KCNJ1: variants seen among roughly 807,000 people sequenced by gnomAD.
The protein encoded by KCNJ1 is ATP-sensitive inward rectifier potassium channel 1.
KCNJ1 carries 24 observed loss-of-function variants against 21.9 expected under a neutral mutation model. The observed-to-expected ratio is 1.10, with a 90% CI of 0.79 to 1.54. KCNJ1 has a LOEUF of 1.54. Ranked by LOEUF, KCNJ1 falls within the 40% of genes most tolerant of loss-of-function variation. The probability of loss-of-function intolerance (pLI) is 0.00; values close to 1 mark genes in which losing one functional copy is unlikely to be tolerated. For missense variants in KCNJ1, 457 were observed against 455.4 expected, an observed-to-expected ratio of 1.00 and a Z score of -0.03; for synonymous variants, 152 against 160.9, an observed-to-expected ratio of 0.94 and a Z score of 0.42.
intron 1 of KCNJ1, among the ~76,000 whole-genome samples, chr11:128,858,974 C>A (rs1943645994): frequency 6.6e-6 from 1 of 152,194 alleles, no homozygotes; most frequent in Admixed American, 6.5e-5. Context: ...AGGCAGGTCA[C>A]CCCTCTTATG....
intron 1 of KCNJ1, among the ~76,000 whole-genome samples, chr11:128,852,598 G>A (rs781322056): frequency 1.4e-4 from 22 of 152,232 alleles, no homozygotes; most frequent in East Asian, 7.7e-4. Context: ...CAGCAGCTTC[G>A]GTGACCCTTT....
chr11:128,840,372 G>A, intron 2 of KCNJ1, 108 bp from the exon 3 acceptor site: 1 of 1,068,354 alleles, frequency 9.4e-7, no homozygotes, highest in Non-Finnish European at 1.4e-6. Flanking sequence ...AAAATTATCT[G>A]GGTTACTAAT....
rs572746293 is a variant in KCNJ1, at chr11:128,849,015, C to T, written c.-22+1706G>A. On this transcript the variant is annotated intron_variant, in intron 2 of 2. Coordinates refer to ENST00000392666, the MANE Select transcript of KCNJ1 (RefSeq NM_153766.3). ...CGGCAGTCTCAGTGAACAGCGCCCC[C>T]TGGAGCACGATGCCAGCGGTGCCCC... Among the ~76,000 whole-genome samples the T allele has an allele frequency of 2.0e-4, 31 of 152,344 alleles. No homozygotes were observed. In the South Asian group the frequency reaches 6.4e-3, roughly 32 times the overall value.
At position 128,841,991 on chromosome 11, in the gene KCNJ1, T is replaced by G. The variant is rs566481299; in HGVS notation, c.-21-1727A>C. ...TTCTCCTTTCCTTGTACACACATCC[T>G]TTACCCTGGTCTACACCCATGTGGA... On this transcript the variant is annotated intron_variant, in intron 2 of 2. Transcript: ENST00000392666. Among the ~76,000 whole-genome samples the G allele has an allele frequency of 2.6e-5, 4 of 152,308 alleles. No individual in the cohort carries two copies. The Middle Eastern group carries it at 0.01, about 389-fold the overall frequency.
At chr11:128,853,627 A>G (rs1211464034) in intron 1 of KCNJ1, among the ~76,000 whole-genome samples, 1 of 152,206 alleles carries the variant, frequency 6.6e-6, no homozygotes, top group Non-Finnish European at 1.5e-5. Flanking sequence ...CCTCTTACAC[A>G]CTTCAAATTA....
Position 128,838,969 on chromosome 11 carries a change from G to C in KCNJ1, c.*156C>G, listed in dbSNP as rs1365913988. 1 of 667,900 alleles carries C rather than the reference G, an allele frequency of 1.5e-6. No individual in the cohort carries two copies. The highest frequency in any genetic ancestry group is 2.6e-6 in the Non-Finnish European group (1 of 380,344). 41.4% of individuals were successfully genotyped at this position (667,900 alleles called of 1,614,324 possible). ...GTAGCCTTGTGGAGATGCATGTCTT[G>C]TGGGATCACAATTGCGGGGCTCAGG... On this transcript the variant is annotated 3_prime_UTR_variant, in exon 3 of 3. Transcript: ENST00000392666.
At chr11:128,842,624 G>T in intron 2 of KCNJ1, 1 of 1,106,736 alleles carries the variant, frequency 9.0e-7, no homozygotes, top group Non-Finnish European at 1.2e-6. Context: ...AGCTGAATAG[G>T]TATTTTTTCT....
At position 128,849,751 on chromosome 11, in the gene KCNJ1, C is replaced by T. The variant is rs114036121; in HGVS notation, c.-22+970G>A. 7.1e-3 allele frequency among the ~76,000 whole-genome samples: 1,087 copies of T among 152,298 alleles called. 14 individuals carry two copies. The highest frequency in any genetic ancestry group is 0.024 in the African/African-American group (1,005 of 41,564). On this transcript the variant is annotated intron_variant, in intron 2 of 2. Coordinates refer to ENST00000392666, the MANE Select transcript of KCNJ1 (RefSeq NM_153766.3). ...TGTGGATTGTCCTGGCATAAGCAAACGGCCTGAGGTTGTGGGAGTGACATT... is the reference window on the plus strand; with the variant it reads ...TGTGGATTGTCCTGGCATAAGCAAATGGCCTGAGGTTGTGGGAGTGACATT...
rs1339806511 is a variant in KCNJ1 at position 128,853,818 on chromosome 11, A to C, written c.-191-2928T>G. Among the ~76,000 whole-genome samples, 4 of 152,176 alleles carry C rather than the reference A, an allele frequency of 2.6e-5. No individual in the cohort carries two copies. The South Asian group carries it at 8.3e-4, about 32-fold the overall frequency. ...AACTCAGCACCTGCCTTCTCTAGCA[A>C]GTGGTTACTGTGCTCCTGAAGGCAC... On this transcript the variant is annotated intron_variant, in intron 1 of 2. Coordinates refer to ENST00000392666, the MANE Select transcript of KCNJ1 (RefSeq NM_153766.3).
intron 2 of KCNJ1, chr11:128,842,662 A>T: frequency 1.5e-6 from 1 of 662,386 alleles, no homozygotes; most frequent in Non-Finnish European, 2.4e-6. Context: ...TTGAATACCA[A>T]CATGCTAAGA....
At chr11:128,851,222 G>GA (rs1269572266) in intron 1 of KCNJ1, among the ~76,000 whole-genome samples, 1 of 152,152 alleles carries the variant, frequency 6.6e-6, no homozygotes, top group African/African-American at 2.4e-5. Context: ...CCACTGCCTT[G>GA]AAAATATCAT....
intron 2 of KCNJ1, among the ~76,000 whole-genome samples, chr11:128,846,472 A>G (rs1943381619): frequency 6.6e-6 from 1 of 152,168 alleles, no homozygotes; most frequent in Admixed American, 6.5e-5. Context: ...CATATTGGAG[A>G]CTACAGCCAA....
Position 128,839,108 on chromosome 11 carries a change from C to T in KCNJ1, c.*17G>A, listed in dbSNP as rs1295735077. The T allele has an allele frequency of 6.2e-7, 1 of 1,610,418 alleles. No homozygotes were observed. On this transcript the variant is annotated 3_prime_UTR_variant, in exon 3 of 3. Coordinates refer to ENST00000392666, the MANE Select transcript of KCNJ1 (RefSeq NM_153766.3). Reference sequence around the variant, plus strand: ...GAGCTTTAGAGACTTTGCTTTACTCCCGTTGAAAAGCCACTGTTACATTTT... The same window carrying T: ...GAGCTTTAGAGACTTTGCTTTACTCTCGTTGAAAAGCCACTGTTACATTTT...
At chr11:128,846,001 G>A (rs1943373536) in intron 2 of KCNJ1, among the ~76,000 whole-genome samples, 1 of 152,204 alleles carries the variant, frequency 6.6e-6, no homozygotes, top group Non-Finnish European at 1.5e-5. Context: ...GTGTTCTGTA[G>A]GCGTCTCTGG....
At chr11:128,860,352 C>G (rs1012602695) in intron 1 of KCNJ1, among the ~76,000 whole-genome samples, 2 of 152,194 alleles carry the variant, frequency 1.3e-5, no homozygotes, top group East Asian at 3.9e-4. Flanking sequence ...GAATTCCATA[C>G]TGACAATGTA....
intron 1 of KCNJ1, chr11:128,866,634 G>T: frequency 4.2e-6 from 2 of 477,576 alleles, no homozygotes; most frequent in Non-Finnish European, 5.5e-6. Flanking sequence ...CATTCAGAAT[G>T]GTGCAAAATT....
Position 128,846,004 on chromosome 11 carries a change from G to A in KCNJ1, c.-22+4717C>T, listed in dbSNP as rs115740372. On this transcript the variant is annotated intron_variant, in intron 2 of 2. Transcript: ENST00000392666. ...AGGAGGCACACTGTGTTCTGTAGGC[G>A]TCTCTGGGCCAGCCATCCAGAGTAT... Among the ~76,000 whole-genome samples the A allele has an allele frequency of 4.8e-3, 731 of 152,284 alleles. 4 individuals are homozygous for A. Among genetic ancestry groups the A allele is most frequent in the African/African-American group, 0.016 (659 of 41,550 alleles).
chr11:128,863,092 G>C (rs745341733), intron 1 of KCNJ1, among the ~76,000 whole-genome samples: 2 of 152,190 alleles, frequency 1.3e-5, no homozygotes, highest in Admixed American at 1.3e-4. Flanking sequence ...CTTCCCCTAC[G>C]GGTAGTCACC....
intron 2 of KCNJ1, among the ~76,000 whole-genome samples, 192 bp downstream of exon 2, chr11:128,850,529 T>C (rs555942253): frequency 3.0e-4 from 46 of 152,298 alleles, no homozygotes; most frequent in Non-Finnish European, 5.7e-4. Context: ...AAAGGGGCTG[T>C]GGAGAGAGCA....
Sources: allele counts gnomAD v4.1 joint callset (sites outside exome capture counted in the v4.1 genomes callset), GRCh38; gene constraint gnomAD v4.1.1; transcripts MANE v1.5; gene names NCBI Gene and HGNC (gene_info 2026-07-23, HGNC 2026-07-21).